Variants in AVEN observed in about 807,000 individuals in gnomAD.
The protein encoded by AVEN is apoptosis and caspase activation inhibitor.
AVEN carries 41 observed loss-of-function variants against 38.1 expected under a neutral mutation model. The ratio of observed to expected loss-of-function variants is 1.08; its 90% CI spans 0.84 to 1.40. AVEN has a LOEUF of 1.40. Ranked by LOEUF, AVEN falls within the 40% of genes most tolerant of loss-of-function variation. The pLI, the probability that AVEN is intolerant of heterozygous loss-of-function variation, is 0.00. For synonymous variants in AVEN, 206 were observed against 171.8 expected (o/e 1.20, Z -1.56); for missense variants, 605 against 438.8 (o/e 1.38, Z -3.38).
intron 2 of AVEN, among the ~76,000 whole-genome samples, chr15:33,964,833 AT>A (rs1249269537): frequency 6.6e-6 from 1 of 152,130 alleles, no homozygotes; most frequent in African/African-American, 2.4e-5. Flanking sequence ...GAAACTGCAG[AT>A]TTCATTTTTG....
chr15:33,863,775 G>C (rs1488158399), downstream of AVEN, among the ~76,000 whole-genome samples: 2 of 152,180 alleles, frequency 1.3e-5, no homozygotes, highest in African/African-American at 4.8e-5. Context: ...ATTTTTATGA[G>C]ATGATAAATG....
chr15:33,994,714 C>A (rs891541829), intron 2 of AVEN, among the ~76,000 whole-genome samples: 1 of 152,136 alleles, frequency 6.6e-6, no homozygotes. Flanking sequence ...AATTACAAGT[C>A]TTCAAAAATT....
intron 2 of AVEN, among the ~76,000 whole-genome samples, chr15:33,954,097 A>G (rs1894859679): frequency 6.6e-6 from 1 of 152,326 alleles, no homozygotes; most frequent in Admixed American, 6.5e-5. Flanking sequence ...CAAAACCACA[A>G]TGAGATACCA....
intron 2 of AVEN, among the ~76,000 whole-genome samples, chr15:33,963,064 A>T (rs944655051): frequency 1.3e-5 from 2 of 152,194 alleles, no homozygotes; most frequent in Non-Finnish European, 2.9e-5. Context: ...TTAGATGCCT[A>T]TATGAGAAGG....
At chr15:33,883,435 AT>A (rs547787873) in intron 2 of AVEN, among the ~76,000 whole-genome samples, 341 of 152,240 alleles carry the variant, frequency 2.2e-3, no homozygotes, top group African/African-American at 7.7e-3. Flanking sequence ...TTTGGCCAAA[AT>A]GTGTTTTGGT....
chr15:33,878,592 T>A (rs149849539), intron 2 of AVEN, among the ~76,000 whole-genome samples: 3 of 152,232 alleles, frequency 2.0e-5, no homozygotes, highest in African/African-American at 4.8e-5. Context: ...ACTGAAAAAA[T>A]TTTAATACAT....
intron 1 of AVEN, among the ~76,000 whole-genome samples, chr15:34,023,965 T>G (rs1597363916): frequency 6.6e-6 from 1 of 152,208 alleles, no homozygotes. Context: ...TGATTTCAGA[T>G]GTAAGCTAAA....
At chr15:34,058,864 T>C (rs2140840322) in intron 5 of AVEN, among the ~76,000 whole-genome samples, 1 of 152,294 alleles carries the variant, frequency 6.6e-6, no homozygotes, top group East Asian at 1.9e-4. Flanking sequence ...GAAATGTAGG[T>C]ATGTTAGTTC....
chr15:33,854,139 T>C (rs1476685990), downstream of AVEN, among the ~76,000 whole-genome samples: 1 of 146,356 alleles, frequency 6.8e-6, no homozygotes, highest in African/African-American at 2.5e-5. Flanking sequence ...GAGGTTGCAG[T>C]AAGCCAAGAT....
intron 2 of AVEN, among the ~76,000 whole-genome samples, chr15:33,947,318 G>A (rs1597261397): frequency 6.6e-6 from 1 of 152,198 alleles, no homozygotes; most frequent in South Asian, 2.1e-4. Context: ...AAAGCCAAAC[G>A]GGGTGCTCCT....
At chr15:33,925,890 A>G (rs920616232) in intron 2 of AVEN, among the ~76,000 whole-genome samples, 5 of 152,196 alleles carry the variant, frequency 3.3e-5, no homozygotes, top group African/African-American at 1.2e-4. Context: ...TATTAAGAAA[A>G]CATTCCTTAT....
At chr15:33,980,316 T>C (rs1896077971) in intron 2 of AVEN, among the ~76,000 whole-genome samples, 1 of 152,188 alleles carries the variant, frequency 6.6e-6, no homozygotes, top group Non-Finnish European at 1.5e-5. Flanking sequence ...CTTTCAAGAA[T>C]CATCGCACTG....
chr15:34,013,177 T>TGAGAC (rs1897710583), intron 1 of AVEN, among the ~76,000 whole-genome samples: 2 of 152,100 alleles, frequency 1.3e-5, no homozygotes, highest in African/African-American at 2.4e-5. Context: ...TTCTCATGTC[T>TGAGAC]CAGCCTCCTG....
At chr15:33,871,079 C>G (rs940579128) in intron 3 of AVEN, 49 bp from the exon 4 acceptor site, 1 of 1,193,038 alleles carries the variant, frequency 8.4e-7, no homozygotes, top group Non-Finnish European at 1.1e-6. Context: ...TGATTATGAC[C>G]TTTTGGAAAT....
At chr15:33,873,094 C>A (rs867698906) in intron 3 of AVEN, among the ~76,000 whole-genome samples, 2 of 85,134 alleles carry the variant, frequency 2.3e-5, no homozygotes, top group East Asian at 4.1e-4. Flanking sequence ...TTTTCCTTTT[C>A]TTTTTTTTTT....
intron 2 of AVEN, among the ~76,000 whole-genome samples, chr15:33,983,161 T>TATAC (rs1491248403): frequency 5.8e-5 from 5 of 86,908 alleles, no homozygotes; most frequent in African/African-American, 2.8e-4. Context: ...TGTGTGTGTA[T>TATAC]GTGTGTGTGT....
At chr15:33,929,103 C>A (rs1185836999) in intron 2 of AVEN, among the ~76,000 whole-genome samples, 1 of 152,046 alleles carries the variant, frequency 6.6e-6, no homozygotes, top group Non-Finnish European at 1.5e-5. Flanking sequence ...AAAATTTATT[C>A]TTGGTGGGGC....
chr15:33,944,943 C>T (rs143310702), intron 2 of AVEN, among the ~76,000 whole-genome samples: 4 of 152,196 alleles, frequency 2.6e-5, no homozygotes, highest in African/African-American at 4.8e-5. Context: ...ATACCAGGCA[C>T]GGACTCTCCA....
chr15:33,944,816 A>G lies in AVEN; in HGVS notation c.445+58216T>C, dbSNP rs530228648. Among the ~76,000 whole-genome samples the G allele has an allele frequency of 8.5e-5, 13 of 152,218 alleles. 1 individual carries two copies. In the East Asian group the frequency reaches 1.3e-3, roughly 16 times the overall value. ...AGAGTGAGACTCAGTCTCGAAAAAA[A>G]AAAAACCCACCAAAAGTTCTTTTGT... On this transcript the variant is annotated intron_variant, in intron 2 of 5. Coordinates refer to ENST00000306730, the MANE Select transcript of AVEN (RefSeq NM_020371.3).
Sources: gnomAD v4.1 joint callset for allele counts (sites outside exome capture counted in the v4.1 genomes callset) on GRCh38, gnomAD v4.1.1 for gene constraint, MANE v1.5 for transcripts, NCBI Gene and HGNC (gene_info 2026-07-23, HGNC 2026-07-21) for gene names.